Variants in PTPRM observed in about 807,000 individuals in gnomAD.
The protein encoded by PTPRM is protein tyrosine phosphatase receptor type M, also known as receptor-type tyrosine-protein phosphatase mu.
In PTPRM, 47 loss-of-function variants were observed where a neutral mutation model predicts 186.7. That is an observed-to-expected ratio of 0.25 (90% CI 0.20 to 0.32). The LOEUF (loss-of-function observed/expected upper bound fraction) is 0.32, where lower values mean the gene tolerates loss of function less well. Ranked by LOEUF, PTPRM falls within the 10% of genes least tolerant of loss-of-function variation. The probability of loss-of-function intolerance (pLI) is 1.00; values close to 1 mark genes in which losing one functional copy is unlikely to be tolerated. For missense variants in PTPRM, 1,494 were observed against 1,865.0 expected, an observed-to-expected ratio of 0.80 and a Z score of 3.66; for synonymous variants, 668 against 674.9, an observed-to-expected ratio of 0.99 and a Z score of 0.16.
At chr18:8,172,610 C>G (rs886104863) in intron 14 of PTPRM, among the ~76,000 whole-genome samples, 3 of 151,824 alleles carry the variant, frequency 2.0e-5, no homozygotes, top group Non-Finnish European at 4.4e-5. Context: ...ACAACCACTG[C>G]TCCAGAGGGG....
chr18:8,184,924 G>A (rs1013230694), intron 14 of PTPRM, among the ~76,000 whole-genome samples: 44 of 152,166 alleles, frequency 2.9e-4, no homozygotes, highest in African/African-American at 1.0e-3. Context: ...ACACCTGAAA[G>A]GGTCTTGCCA....
chr18:8,265,371 G>A (rs1235456499), intron 19 of PTPRM, among the ~76,000 whole-genome samples: 5 of 152,214 alleles, frequency 3.3e-5, no homozygotes, highest in African/African-American at 9.7e-5. Context: ...CTAAAACCAA[G>A]CTACAGCTCT....
At chr18:8,324,757 G>T (rs1354262245) in intron 22 of PTPRM, among the ~76,000 whole-genome samples, 1 of 152,164 alleles carries the variant, frequency 6.6e-6, no homozygotes, top group African/African-American at 2.4e-5. Flanking sequence ...GAGGAAAGGA[G>T]ACAAAGAAAC....
intron 2 of PTPRM, among the ~76,000 whole-genome samples, chr18:7,825,877 A>G (rs2045458336): frequency 6.6e-6 from 1 of 152,224 alleles, no homozygotes; most frequent in Non-Finnish European, 1.5e-5. Flanking sequence ...ATAATATCGA[A>G]TGGGACATAG....
chr18:8,139,559 T>TGGAGAG, intron 13 of PTPRM, among the ~76,000 whole-genome samples: 1 of 152,180 alleles, frequency 6.6e-6, no homozygotes, highest in Non-Finnish European at 1.5e-5. Flanking sequence ...AGAGAGTCCT[T>TGGAGAG]CCAGCTATCT....
At chr18:8,010,501 C>G (rs1313386581) in intron 7 of PTPRM, among the ~76,000 whole-genome samples, 2 of 152,194 alleles carry the variant, frequency 1.3e-5, no homozygotes, top group African/African-American at 4.8e-5. Context: ...CTTGTCCATT[C>G]TGAAAGACCC....
intron 7 of PTPRM, among the ~76,000 whole-genome samples, chr18:8,033,723 C>T (rs534365921): frequency 3.9e-5 from 6 of 152,230 alleles, no homozygotes; most frequent in African/African-American, 1.4e-4. Context: ...TCTATCAAAC[C>T]GAAAAGTTTG....
intron 14 of PTPRM, among the ~76,000 whole-genome samples, chr18:8,227,044 T>G (rs1379637638): frequency 5.3e-5 from 8 of 152,328 alleles, no homozygotes; most frequent in Non-Finnish European, 1.2e-4. Context: ...TTTTTTAAAG[T>G]TAGCTTATTA....
At chr18:8,297,320 G>A (rs1382630740) in intron 20 of PTPRM, among the ~76,000 whole-genome samples, 1 of 152,200 alleles carries the variant, frequency 6.6e-6, no homozygotes, top group Non-Finnish European at 1.5e-5. Flanking sequence ...AACAAACTTG[G>A]GAGGTTTGGT....
In PTPRM at chr18:7,973,131, C is replaced by T. The variant is rs116301594; in HGVS notation, c.1132+17717C>T. 4.5e-3 allele frequency among the ~76,000 whole-genome samples: 684 copies of T among 152,154 alleles called. 4 individuals carry two copies. The highest frequency in any genetic ancestry group is 0.015 in the African/African-American group (628 of 41,516). On this transcript the variant is annotated intron_variant, in intron 7 of 32. Transcript: ENST00000580170. ...AATATGGATGACCTAATTTATTTAGCCCCTCCTCTCTTGATGGATAGTCAG... is the reference window on the plus strand; with the variant it reads ...AATATGGATGACCTAATTTATTTAGTCCCTCCTCTCTTGATGGATAGTCAG...
intron 5 of PTPRM, among the ~76,000 whole-genome samples, chr18:7,937,348 G>A (rs922815806): frequency 3.3e-5 from 5 of 152,168 alleles, no homozygotes; most frequent in Admixed American, 6.5e-5. Flanking sequence ...GTGCCACCAC[G>A]TTCCCCATTG....
At chr18:8,008,033 T>G (rs1425032529) in intron 7 of PTPRM, among the ~76,000 whole-genome samples, 1 of 152,190 alleles carries the variant, frequency 6.6e-6, no homozygotes, top group African/African-American at 2.4e-5. Context: ...TTAGGGTACA[T>G]TGAAGACCTG....
intron 1 of PTPRM, among the ~76,000 whole-genome samples, chr18:7,595,253 G>C (rs147876654): frequency 6.6e-6 from 1 of 152,178 alleles, no homozygotes; most frequent in Non-Finnish European, 1.5e-5. Context: ...TTTTGGAACA[G>C]GTATTGTGTG....
intron 2 of PTPRM, among the ~76,000 whole-genome samples, chr18:7,813,667 T>G (rs1453761164): frequency 1.3e-5 from 2 of 152,194 alleles, no homozygotes; most frequent in Admixed American, 1.3e-4. Context: ...TATATTCTTT[T>G]AAGTATTTCT....
chr18:7,711,681 C>T (rs763667278), intron 1 of PTPRM, among the ~76,000 whole-genome samples: 13 of 152,142 alleles, frequency 8.5e-5, no homozygotes, highest in African/African-American at 2.7e-4. Flanking sequence ...TTTGAGTAAG[C>T]GGTTTTCCCC....
chr18:7,644,319 C>T (rs2038511023), intron 1 of PTPRM, among the ~76,000 whole-genome samples: 1 of 152,040 alleles, frequency 6.6e-6, no homozygotes, highest in Non-Finnish European at 1.5e-5. Flanking sequence ...GAAAATCTTT[C>T]TATACTGTGG....
At chr18:8,366,090 T>TC (rs2095627515) in intron 23 of PTPRM, among the ~76,000 whole-genome samples, 2 of 152,064 alleles carry the variant, frequency 1.3e-5, no homozygotes, top group Non-Finnish European at 2.9e-5. Context: ...AAGACCTCCC[T>TC]CCCCCCAGCT....
chr18:7,935,238 GT>G (rs1390720557), intron 5 of PTPRM, among the ~76,000 whole-genome samples: 5 of 152,106 alleles, frequency 3.3e-5, no homozygotes, highest in Non-Finnish European at 5.9e-5. Flanking sequence ...ACTGTCTTTA[GT>G]TGCTATGGGA....
At chr18:7,953,891 G>A (rs916484879) in intron 6 of PTPRM, among the ~76,000 whole-genome samples, 8 of 152,074 alleles carry the variant, frequency 5.3e-5, no homozygotes, top group African/African-American at 9.7e-5. Flanking sequence ...AGGATATAGC[G>A]GATTTTATTT....
Sources: allele counts gnomAD v4.1 joint callset (sites outside exome capture counted in the v4.1 genomes callset), GRCh38; gene constraint gnomAD v4.1.1; transcripts MANE v1.5; gene names NCBI Gene and HGNC (gene_info 2026-07-23, HGNC 2026-07-21).